Variants in ANLN observed in about 807,000 individuals in gnomAD.
ANLN encodes anillin.
ANLN carries 59 observed loss-of-function variants against 135.1 expected under a neutral mutation model. The observed-to-expected ratio is 0.44, with a 90% CI of 0.35 to 0.54. The LOEUF (loss-of-function observed/expected upper bound fraction) is 0.54, where lower values mean the gene tolerates loss of function less well. Among genes scored for constraint, ANLN ranks in the 20% least tolerant of loss-of-function variants. The probability of loss-of-function intolerance (pLI) is 0.00; values close to 1 mark genes in which losing one functional copy is unlikely to be tolerated. For synonymous variants in ANLN, 406 were observed against 456.4 expected (o/e 0.89, Z 1.41); for missense variants, 1,182 against 1,340.0 (o/e 0.88, Z 1.84).
chr7:36,450,074 G>A (rs1272634217), intron 23 of ANLN, among the ~76,000 whole-genome samples: 1 of 152,216 alleles, frequency 6.6e-6, no homozygotes, highest in African/African-American at 2.4e-5. Context: ...TATGCTCACA[G>A]TGGAGGCATT....
At position 36,402,161 on chromosome 7, in the gene ANLN, G is replaced by C. The variant is rs1207804295; in HGVS notation, c.487+2768G>C. Among the ~76,000 whole-genome samples, 6 of 108,116 alleles carry C rather than the reference G, an allele frequency of 5.5e-5. 2 individuals carry two copies. Among genetic ancestry groups the C allele is most frequent in the African/African-American group, 2.4e-4 (6 of 24,516 alleles). The allele number at this position is 108,116 out of a possible 152,430, so 70.9% of individuals were successfully genotyped here. On this transcript the variant is annotated intron_variant, in intron 3 of 23. Transcript: ENST00000265748. ...GAGTCTTGCTGTGTTTCCCAGGCTG[G>C]AGTGCAGTGGCACAATCTTGGCCCA...
chr7:36,435,222 G>A (rs1788477898), intron 20 of ANLN, among the ~76,000 whole-genome samples: 1 of 152,132 alleles, frequency 6.6e-6, no homozygotes, highest in African/African-American at 2.4e-5. Flanking sequence ...ACCTAGTCAA[G>A]ATAAGGGACA....
At chr7:36,418,920 A>AT (rs909698067) in intron 9 of ANLN, among the ~76,000 whole-genome samples, 8 of 151,160 alleles carry the variant, frequency 5.3e-5, no homozygotes, top group African/African-American at 1.2e-4. Flanking sequence ...CGCCTGGCTA[A>AT]TTTTTTTTGT....
Position 36,419,496 on chromosome 7 carries a change from T to C in ANLN, c.1869+17T>C, listed in dbSNP as rs748003498. On this transcript the variant is annotated intron_variant, in intron 10 of 23. Coordinates refer to ENST00000265748, the MANE Select transcript of ANLN (RefSeq NM_018685.5). ...AGTCCAGAGGTAAGAAAAGGCTAACTAAACAGGCCCAGGACATAAGTAAAC... is the reference window on the plus strand; with the variant it reads ...AGTCCAGAGGTAAGAAAAGGCTAACCAAACAGGCCCAGGACATAAGTAAAC... The C allele has an allele frequency of 4.4e-6, 7 of 1,599,312 alleles. No homozygotes were observed. The highest frequency in any genetic ancestry group is 2.2e-5 in the East Asian group (1 of 44,814).
rs1787619354 is a variant in ANLN at position 36,415,882 on chromosome 7, A to T, written c.1520A>T (p.Lys507Ile). 6.3e-7 allele frequency: 1 copy of T among 1,583,000 alleles called. No individual in the cohort carries two copies. Among genetic ancestry groups the T allele is most frequent in the African/African-American group, 1.4e-5 (1 of 73,220 alleles). Residue 507 changes from lysine to isoleucine, a missense_variant and splice_region_variant, in exon 8 of 24, where the codon AAA becomes ATA. This residue lies in a region of ANLN where 1,022 missense variants were observed against 1,134.0 expected (regional missense o/e 0.90). Transcript: ENST00000265748. ...GCCAAAAATTCTAGTACAGAACCTA[A>T]AGGTCAGTGTTTCCAGATTGTTCAT... Reference protein sequence around the residue: ...IPAKNSSTEPKGFTECEMTKS... With the variant: ...IPAKNSSTEPIGFTECEMTKS...
intron 1 of ANLN, among the ~76,000 whole-genome samples, chr7:36,393,492 A>G (rs1786567182): frequency 6.6e-6 from 1 of 152,242 alleles, no homozygotes; most frequent in Non-Finnish European, 1.5e-5. Context: ...TCAACAGGTT[A>G]TAGGCAGAGC....
chr7:36,404,333 G>A (rs1174834015), intron 3 of ANLN, among the ~76,000 whole-genome samples: 1 of 152,138 alleles, frequency 6.6e-6, no homozygotes, highest in Non-Finnish European at 1.5e-5. Context: ...CTTATCCGCT[G>A]GGTATATGTT....
At chr7:36,406,613 T>C (rs1358412444) in intron 4 of ANLN, 47 bp downstream of exon 4, 5 of 1,460,638 alleles carry the variant, frequency 3.4e-6, no homozygotes, top group Non-Finnish European at 4.5e-6. Flanking sequence ...CTTTTTTCGT[T>C]ATGAGTGGTA....
intron 5 of ANLN, among the ~76,000 whole-genome samples, chr7:36,408,268 T>C (rs1404871622): frequency 6.6e-6 from 1 of 152,200 alleles, no homozygotes; most frequent in African/African-American, 2.4e-5. Context: ...AATCACATTT[T>C]AGGGGCATAA....
At chr7:36,419,150 A>G in intron 9 of ANLN, 94 bp from the exon 10 acceptor site, 1 of 822,970 alleles carries the variant, frequency 1.2e-6, no homozygotes, top group Non-Finnish European at 1.8e-6. Flanking sequence ...ATTTTTTCCT[A>G]TTTAGTAAGA....
In ANLN at chr7:36,411,215, G is replaced by T. The variant is rs111705556; in HGVS notation, c.1395+49G>T. ...AACGAACTTGGTCCCCAAATAGTTG[G>T]GATCTAATTTGTAGTTCTGTATTGG... On this transcript the variant is annotated intron_variant, in intron 7 of 23. Transcript: ENST00000265748. The T allele has an allele frequency of 2.3e-4, 336 of 1,459,512 alleles. No individual in the cohort carries two copies. In the African/African-American group the frequency reaches 4.2e-3, roughly 18 times the overall value. The allele number at this position is 1,459,512 out of a possible 1,614,324, so 90.4% of individuals were successfully genotyped here. A position where few individuals can be genotyped will look rare whatever the true frequency, so the allele number is the denominator to read the frequency against.
rs201259448 is a variant in ANLN, at chr7:36,399,125, C to T, written c.219C>T (p.Asp73=). Residue 73 remains aspartate (D), a synonymous_variant, in exon 3 of 24, where the codon GAC becomes GAT. Transcript: ENST00000265748. ...CGCCATCAAAAAAACGCTGTTCTGACAACACTGAAGTAGAAGTTTCTAACT... is the reference window on the plus strand; with the variant it reads ...CGCCATCAAAAAAACGCTGTTCTGATAACACTGAAGTAGAAGTTTCTAACT... ...KPSPSKKRCS[D]NTEVEVSNLE... 2 of 1,614,044 alleles carry T rather than the reference C, an allele frequency of 1.2e-6. No homozygotes were observed. The highest frequency in any genetic ancestry group is 1.7e-5 in the Admixed American group (1 of 59,996).
At chr7:36,437,081 T>G (rs920900903) in intron 20 of ANLN, among the ~76,000 whole-genome samples, 5 of 152,200 alleles carry the variant, frequency 3.3e-5, no homozygotes, top group Non-Finnish European at 7.3e-5. Context: ...ATATAGCAGA[T>G]CTATAGAATT....
chr7:36,449,611 TACTG>T (rs1385543338), intron 22 of ANLN, 50 bp from the exon 23 acceptor site: 5 of 1,397,236 alleles, frequency 3.6e-6, no homozygotes, highest in Non-Finnish European at 4.9e-6. Flanking sequence ...GCTTAATGCT[TACTG>T]ACTTAAATAG....
chr7:36,415,737 CT>C lies in ANLN; in HGVS notation c.1396-17del. The C allele has an allele frequency of 1.3e-6, 2 of 1,562,926 alleles. No individual in the cohort carries two copies. Among genetic ancestry groups the C allele is most frequent in the Non-Finnish European group, 1.7e-6 (2 of 1,162,442 alleles). ...ATATAGTTTTGAGAAATAAAATTTA[CT>C]TTTCATTCGCTTTTTGCAGGAAACT... On this transcript the variant is annotated intron_variant, in intron 7 of 23. Coordinates refer to ENST00000265748, the MANE Select transcript of ANLN (RefSeq NM_018685.5).
At chr7:36,447,417 C>CT (rs978030270) in intron 22 of ANLN, among the ~76,000 whole-genome samples, 25,297 of 105,864 alleles carry the variant, frequency 0.24, 4,124 homozygotes, top group East Asian at 0.37. Flanking sequence ...AGCAGTTGAT[C>CT]TTTTTTTTTT....
At chr7:36,399,055 C>A in intron 2 of ANLN, 24 bp from the exon 3 acceptor site, 1 of 1,562,490 alleles carries the variant, frequency 6.4e-7, no homozygotes, top group Non-Finnish European at 8.7e-7. Flanking sequence ...ATTTGAATGT[C>A]TTTTTTCATC....
chr7:36,421,323 C>G (rs1027089964), intron 12 of ANLN, among the ~76,000 whole-genome samples: 1 of 152,032 alleles, frequency 6.6e-6, no homozygotes, highest in African/African-American at 2.4e-5. Flanking sequence ...CCACCTCAGC[C>G]TCCCAAAGTG....
intron 22 of ANLN, among the ~76,000 whole-genome samples, chr7:36,448,097 C>T (rs1464292085): frequency 6.6e-6 from 1 of 152,076 alleles, no homozygotes; most frequent in African/African-American, 2.4e-5. Context: ...TCACTGCAAC[C>T]TTTGCCTCCT....
Sources: gnomAD v4.1 joint callset for allele counts (sites outside exome capture counted in the v4.1 genomes callset) on GRCh38, gnomAD v4.1.1 for gene constraint, gnomAD v4.1.1 regional missense constraint, MANE v1.5 for transcripts, NCBI Gene and HGNC (gene_info 2026-07-23, HGNC 2026-07-21) for gene names.